The following CMTM8 variants were observed in gnomAD, a reference collection of about 807,000 sequenced individuals.
CMTM8 encodes the protein CKLF like MARVEL transmembrane domain containing 8, also known as CKLF-like MARVEL transmembrane domain-containing protein 8.
A neutral mutation model predicts 18.6 loss-of-function variants in CMTM8; 12 were observed. That is an observed-to-expected ratio of 0.65 (90% CI 0.41 to 1.05). CMTM8 has a LOEUF of 1.05. CMTM8 is among the 50% of genes least tolerant of loss of function. The pLI, the probability that CMTM8 is intolerant of heterozygous loss-of-function variation, is 0.00. For missense variants in CMTM8, 217 were observed against 227.2 expected (o/e 0.95, Z 0.29); for synonymous variants, 87 against 90.6 (o/e 0.96, Z 0.23).
In CMTM8 at chr3:32,335,373, G is replaced by A. The variant is rs546329815; in HGVS notation, c.148-22000G>A. Among the ~76,000 whole-genome samples the A allele has an allele frequency of 7.4e-4, 112 of 152,354 alleles. 1 individual carries two copies. In the South Asian group the frequency reaches 0.021, roughly 28 times the overall value. On this transcript the variant is annotated intron_variant, in intron 1 of 3. Coordinates refer to ENST00000307526, the MANE Select transcript of CMTM8 (RefSeq NM_178868.5). ...GACCACTGTGGCGTGTTGGAGTCAG[G>A]CGCACTAGGTGGTGGGTGGTGGAAC...
At chr3:32,243,556 T>G (rs1701973576) in intron 1 of CMTM8, among the ~76,000 whole-genome samples, 1 of 150,242 alleles carries the variant, frequency 6.7e-6, no homozygotes, top group African/African-American at 2.4e-5. Context: ...AAAAATCACA[T>G]TCTTTTAAAA....
chr3:32,290,555 G>C (rs984783328), intron 1 of CMTM8, among the ~76,000 whole-genome samples: 3 of 152,228 alleles, frequency 2.0e-5, no homozygotes, highest in African/African-American at 7.2e-5. Flanking sequence ...GGACTTTGGT[G>C]CTGGAACATG....
chr3:32,244,143 G>A (rs892198077), intron 1 of CMTM8: 2 of 152,858 alleles, frequency 1.3e-5, no homozygotes, highest in Non-Finnish European at 2.9e-5. Flanking sequence ...GATAGTTTCT[G>A]GCTGCAGAAC....
At chr3:32,277,245 T>C (rs1702534140) in intron 1 of CMTM8, among the ~76,000 whole-genome samples, 1 of 152,114 alleles carries the variant, frequency 6.6e-6, no homozygotes, top group Admixed American at 6.6e-5. Flanking sequence ...GAACAGAGTT[T>C]AATCCTGATA....
chr3:32,257,818 G>A (rs1311066671), intron 1 of CMTM8, among the ~76,000 whole-genome samples: 1 of 152,106 alleles, frequency 6.6e-6, no homozygotes, highest in Non-Finnish European at 1.5e-5. Flanking sequence ...GAGACTGTTT[G>A]CTCAGCTTAA....
At chr3:32,293,661 C>CA (rs1245995038) in intron 1 of CMTM8, among the ~76,000 whole-genome samples, 1 of 152,152 alleles carries the variant, frequency 6.6e-6, no homozygotes, top group African/African-American at 2.4e-5. Context: ...GCTTGGGCAA[C>CA]ATGGAGAAAC....
At chr3:32,302,003 T>C (rs1194814926) in intron 1 of CMTM8, among the ~76,000 whole-genome samples, 3 of 151,732 alleles carry the variant, frequency 2.0e-5, no homozygotes, top group African/African-American at 7.3e-5. Flanking sequence ...GAATTAAGAG[T>C]GATCACTGAT....
chr3:32,282,038 A>G (rs1029443230), intron 1 of CMTM8, among the ~76,000 whole-genome samples: 6 of 152,140 alleles, frequency 3.9e-5, no homozygotes, highest in South Asian at 4.2e-4. Flanking sequence ...AACTCTCTCT[A>G]TAGGTCCTCA....
chr3:32,279,167 ATT>A (rs10671462), intron 1 of CMTM8, among the ~76,000 whole-genome samples: 8 of 146,912 alleles, frequency 5.4e-5, no homozygotes, highest in Non-Finnish European at 9.0e-5. Context: ...ATAATTAGTG[ATT>A]TTTTTTTTTA....
intron 1 of CMTM8, among the ~76,000 whole-genome samples, chr3:32,239,445 C>A (rs960926232): frequency 6.6e-6 from 1 of 151,956 alleles, no homozygotes; most frequent in Non-Finnish European, 1.5e-5. Flanking sequence ...GTGTCAGAGA[C>A]ACCTGGTGCC....
chr3:32,335,989 A>C (rs754024975), intron 1 of CMTM8, among the ~76,000 whole-genome samples: 15 of 152,200 alleles, frequency 9.9e-5, no homozygotes, highest in Non-Finnish European at 1.8e-4. Context: ...CAAGTGGGAG[A>C]GGCCCTCCAG....
At chr3:32,272,309 C>G (rs561241445) in intron 1 of CMTM8, among the ~76,000 whole-genome samples, 3 of 151,904 alleles carry the variant, frequency 2.0e-5, no homozygotes, top group Non-Finnish European at 4.4e-5. Flanking sequence ...TTTTATTTAT[C>G]CTTGGGTTTG....
At chr3:32,279,029 AGATAGCAG>A in intron 1 of CMTM8, among the ~76,000 whole-genome samples, 1 of 152,264 alleles carries the variant, frequency 6.6e-6, no homozygotes, top group East Asian at 1.9e-4. Flanking sequence ...GGAGTTCAAT[AGATAGCAG>A]GACTCAGTCT....
intron 1 of CMTM8, among the ~76,000 whole-genome samples, chr3:32,314,639 C>A (rs1011354023): frequency 4.6e-5 from 7 of 152,054 alleles, no homozygotes; most frequent in Non-Finnish European, 5.9e-5. Context: ...GCCACCACAC[C>A]CAGCTGATTT....
At position 32,328,665 on chromosome 3, in the gene CMTM8, G is replaced by C. The variant is rs1481784167; in HGVS notation, c.148-28708G>C. 4.0e-5 allele frequency among the ~76,000 whole-genome samples: 6 copies of C among 150,754 alleles called. No individual in the cohort carries two copies. In the South Asian group the frequency reaches 1.1e-3, roughly 26 times the overall value. On this transcript the variant is annotated intron_variant, in intron 1 of 3. Coordinates refer to ENST00000307526, the MANE Select transcript of CMTM8 (RefSeq NM_178868.5). ...AACAACTATCAGAAGTGAAAGAAAA[G>C]ACATTGCTAAAAAAAGTCAAAGTAT...
chr3:32,293,738 C>T (rs1445649270), intron 1 of CMTM8, among the ~76,000 whole-genome samples: 2 of 151,852 alleles, frequency 1.3e-5, no homozygotes, highest in Non-Finnish European at 2.9e-5. Flanking sequence ...CCCAGCTACT[C>T]GGGAGGCTGA....
chr3:32,342,547 C>G (rs1244731703), intron 1 of CMTM8, among the ~76,000 whole-genome samples: 2 of 152,172 alleles, frequency 1.3e-5, no homozygotes, highest in Non-Finnish European at 2.9e-5. Flanking sequence ...GTGTGGCATT[C>G]AGGTGTCCAC....
intron 1 of CMTM8, among the ~76,000 whole-genome samples, chr3:32,308,077 T>A (rs1361972181): frequency 6.6e-6 from 1 of 152,206 alleles, no homozygotes; most frequent in East Asian, 1.9e-4. Context: ...CCACAGGGTG[T>A]TGAGGATTTT....
chr3:32,277,489 C>T (rs1461047097), intron 1 of CMTM8, among the ~76,000 whole-genome samples: 4 of 151,998 alleles, frequency 2.6e-5, no homozygotes, highest in African/African-American at 9.7e-5. Context: ...CCTCCTGCCT[C>T]AACCTCCCAA....
Sources: gnomAD v4.1 joint callset for allele counts (sites outside exome capture counted in the v4.1 genomes callset) on GRCh38, gnomAD v4.1.1 for gene constraint, MANE v1.5 for transcripts, NCBI Gene and HGNC (gene_info 2026-07-23, HGNC 2026-07-21) for gene names.